Variants in CSMD2 observed in about 807,000 individuals in gnomAD.
CSMD2 encodes CUB and Sushi multiple domains 2.
A neutral mutation model predicts 398.5 loss-of-function variants in CSMD2; 130 were observed. The observed-to-expected ratio is 0.33, with a 90% confidence interval of 0.28 to 0.38. The LOEUF (loss-of-function observed/expected upper bound fraction) is 0.38. Ranked by LOEUF, CSMD2 falls within the 10% of genes least tolerant of loss-of-function variation. The pLI is 1.00. For synonymous variants in CSMD2, 1,828 were observed against 1,908.5 expected (o/e 0.96, Z 1.10); for missense variants, 3,829 against 4,764.9 (o/e 0.80, Z 5.78).
At chr1:33,602,920 G>A (rs997210612) in intron 42 of CSMD2, among the ~76,000 whole-genome samples, 1 of 152,238 alleles carries the variant, frequency 6.6e-6, no homozygotes, top group Non-Finnish European at 1.5e-5. Flanking sequence ...GCTGGGAAGA[G>A]CTAAGAAATT....
At chr1:33,567,435 T>C (rs1659144718) in intron 53 of CSMD2, among the ~76,000 whole-genome samples, 158 bp downstream of exon 53, 1 of 143,644 alleles carries the variant, frequency 7.0e-6, no homozygotes, top group Non-Finnish European at 1.5e-5. Context: ...ACTGAAAACA[T>C]TAGATCAACA....
intron 15 of CSMD2, among the ~76,000 whole-genome samples, chr1:33,733,342 A>G (rs2149228045): frequency 6.6e-6 from 1 of 152,336 alleles, no homozygotes; most frequent in East Asian, 1.9e-4. Context: ...CTTGGGACTC[A>G]GACCTCACTT....
At chr1:33,695,447 A>T (rs1435769195) in intron 24 of CSMD2, among the ~76,000 whole-genome samples, 1 of 152,134 alleles carries the variant, frequency 6.6e-6, no homozygotes, top group East Asian at 1.9e-4. Context: ...AGGCAGGTGA[A>T]GAGGTCTACA....
chr1:33,970,539 T>C (rs1378668066), intron 3 of CSMD2, among the ~76,000 whole-genome samples: 1 of 152,128 alleles, frequency 6.6e-6, no homozygotes, highest in Non-Finnish European at 1.5e-5. Context: ...CCTGGCACAT[T>C]CCTGCCCCCC....
intron 2 of CSMD2, among the ~76,000 whole-genome samples, chr1:34,073,546 G>C (rs1193303097): frequency 6.6e-6 from 1 of 152,210 alleles, no homozygotes; most frequent in Non-Finnish European, 1.5e-5. Context: ...AAAGGAGGCA[G>C]CTGCATTTTT....
At chr1:33,672,057 T>A (rs1460359425) in intron 25 of CSMD2, among the ~76,000 whole-genome samples, 1 of 151,826 alleles carries the variant, frequency 6.6e-6, no homozygotes, top group African/African-American at 2.4e-5. Context: ...CCAGCATGAG[T>A]GATGCAGAAG....
At chr1:34,136,416 T>C (rs1015956792) in intron 1 of CSMD2, among the ~76,000 whole-genome samples, 5 of 152,336 alleles carry the variant, frequency 3.3e-5, no homozygotes, top group Non-Finnish European at 7.3e-5. Flanking sequence ...CATGTGAGTG[T>C]GAACGCCAGT....
At chr1:33,560,712 C>T (rs1658461062) in intron 53 of CSMD2, among the ~76,000 whole-genome samples, 1 of 152,238 alleles carries the variant, frequency 6.6e-6, no homozygotes, top group Non-Finnish European at 1.5e-5. Flanking sequence ...TGTCAGCAAC[C>T]AACACACCAC....
intron 7 of CSMD2, among the ~76,000 whole-genome samples, chr1:33,821,843 G>A (rs1448700723): frequency 3.3e-5 from 5 of 152,138 alleles, no homozygotes; most frequent in South Asian, 2.1e-4. Context: ...AGGTGGCATC[G>A]AACATGGACC....
intron 5 of CSMD2, among the ~76,000 whole-genome samples, chr1:33,875,226 T>C (rs1455982415): frequency 6.6e-6 from 1 of 152,052 alleles, no homozygotes; most frequent in Non-Finnish European, 1.5e-5. Flanking sequence ...ATCTGTGAAA[T>C]GCAAAAAGAG....
intron 1 of CSMD2, among the ~76,000 whole-genome samples, chr1:34,133,587 C>T (rs1179076256): frequency 6.6e-6 from 1 of 151,848 alleles, no homozygotes; most frequent in Non-Finnish European, 1.5e-5. Flanking sequence ...GCCAATATTG[C>T]ACCACTGCAC....
chr1:33,558,302 A>G (rs545871030), intron 54 of CSMD2, among the ~76,000 whole-genome samples: 114 of 152,358 alleles, frequency 7.5e-4, no homozygotes, highest in Admixed American at 2.4e-3. Context: ...AAGCTTGTCA[A>G]TTGTAAAACT....
chr1:33,890,803 C>T (rs985964296), intron 5 of CSMD2, among the ~76,000 whole-genome samples: 10 of 151,938 alleles, frequency 6.6e-5, no homozygotes, highest in African/African-American at 1.9e-4. Context: ...GGAAAGGATT[C>T]CCTATTTAAT....
At chr1:33,827,827 A>G (rs1659003624) in intron 6 of CSMD2, among the ~76,000 whole-genome samples, 1 of 152,170 alleles carries the variant, frequency 6.6e-6, no homozygotes, top group South Asian at 2.1e-4. Context: ...TGTGTTCTTC[A>G]CTGAGCCTCA....
intron 67 of CSMD2, among the ~76,000 whole-genome samples, chr1:33,522,841 C>T (rs1440645989): frequency 1.3e-5 from 2 of 152,170 alleles, no homozygotes; most frequent in East Asian, 3.9e-4. Flanking sequence ...ATGTCTTTTC[C>T]ACAAGGGAAT....
At chr1:33,590,595 TCACACACACACACACA>T (rs10611040) in intron 44 of CSMD2, among the ~76,000 whole-genome samples, 3 of 137,638 alleles carry the variant, frequency 2.2e-5, no homozygotes, top group Non-Finnish European at 3.1e-5. Context: ...CTATTTCCCA[TCACACACACACACACA>T]CACACACACA....
chr1:33,715,299 C>T (rs1646130313), intron 20 of CSMD2, among the ~76,000 whole-genome samples: 1 of 152,050 alleles, frequency 6.6e-6, no homozygotes, highest in Admixed American at 6.5e-5. Context: ...GGTGAAGACA[C>T]TCCAAATGCC....
chr1:33,927,618 T>C (rs962170908), intron 4 of CSMD2, among the ~76,000 whole-genome samples: 2 of 152,138 alleles, frequency 1.3e-5, no homozygotes, highest in Non-Finnish European at 2.9e-5. Context: ...ACCTAAGACC[T>C]TGTGACTCCA....
chr1:34,042,829 C>G lies in CSMD2; in HGVS notation c.405-10123G>C, dbSNP rs555627496. Among the ~76,000 whole-genome samples, 5 of 152,252 alleles carry G rather than the reference C, an allele frequency of 3.3e-5. No individual in the cohort carries two copies. In the South Asian group the frequency reaches 1.0e-3, roughly 32 times the overall value. On this transcript the variant is annotated intron_variant, in intron 2 of 70. Coordinates refer to ENST00000373381, the MANE Select transcript of CSMD2 (RefSeq NM_001281956.2). ...TTGAGAAGGAGTCTCGCTCTGTGGC[C>G]CAGGCTGGAGTGCAGTGGCGTGATC...
Sources: gnomAD v4.1 joint callset for allele counts (sites outside exome capture counted in the v4.1 genomes callset) on GRCh38, gnomAD v4.1.1 for gene constraint, MANE v1.5 for transcripts, NCBI Gene and HGNC (gene_info 2026-07-23, HGNC 2026-07-21) for gene names.